The following TEAD2 variants were observed in gnomAD, a reference collection of about 807,000 sequenced individuals.
TEAD2 encodes the protein TEA domain transcription factor 2.
Under a neutral mutation model 61.4 loss-of-function variants are expected in TEAD2, and 51 were observed. The observed-to-expected ratio is 0.83, with a 90% CI of 0.66 to 1.05. TEAD2 has a LOEUF of 1.05. Among genes scored for constraint, TEAD2 ranks in the 50% least tolerant of loss-of-function variants. TEAD2 has a pLI of 0.00. For missense variants in TEAD2, 509 were observed against 600.0 expected (o/e 0.85, Z 1.58); for synonymous variants, 244 against 243.2 (o/e 1.00, Z -0.03).
Position 49,343,373 on chromosome 19 carries a change from C to T in TEAD2, c.947G>A (p.Gly316Asp). The T allele has an allele frequency of 1.9e-6, 3 of 1,611,300 alleles. No individual in the cohort carries two copies. The highest frequency in any genetic ancestry group is 2.5e-6 in the Non-Finnish European group (3 of 1,179,096). ...GCTGCCACCGGCCCCTGCCTCCTCA[C>T]CACTTGGGCCCCAGTTCAGGTCCGC... ...FWADLNWGPSGEEAGAGGSIS... is the reference protein window; with the variant it reads ...FWADLNWGPSDEEAGAGGSIS... Residue 316 changes from glycine (G) to aspartate (D), a missense_variant, in exon 11 of 13, where the codon GGT becomes GAT. Gly to Asp is a moderately conservative substitution (Grantham distance 94, BLOSUM62 -1). Transcript: ENST00000593945.
At chr19:49,350,361 C>T (rs998927507) in intron 8 of TEAD2, among the ~76,000 whole-genome samples, 30 of 151,788 alleles carry the variant, frequency 2.0e-4, no homozygotes, top group African/African-American at 7.3e-4. Context: ...GCTCTGTCGC[C>T]CAGTCTGGAG....
chr19:49,359,994 C>A lies in TEAD2; in HGVS notation c.82G>T (p.Gly28Cys), dbSNP rs779655419. ...GSEEGSEEGTGGSEGAGGDGG... is the reference protein window; with the variant it reads ...GSEEGSEEGTCGSEGAGGDGG... The stretch of plus-strand genomic sequence containing the variant: ...TCACCCCCAGCCCCCTCACTGCCGC[C>A]GGTACCCTCCTCACTGCCTTCCTCA... Residue 28 changes from glycine (G) to cysteine (C), a missense_variant, in exon 2 of 13, where the codon GGC becomes TGC. By Grantham distance (159) the Gly-to-Cys change is radical (BLOSUM62 -3). Transcript: ENST00000593945. The surrounding 1 kb of genome is among the most constrained non-coding windows in gnomAD (Gnocchi z 4.1). 2 of 1,609,646 alleles carry A rather than the reference C, an allele frequency of 1.2e-6. No homozygotes were observed. Among genetic ancestry groups the A allele is most frequent in the Non-Finnish European group, 1.7e-6 (2 of 1,179,888 alleles).
intron 1 of TEAD2, among the ~76,000 whole-genome samples, chr19:49,360,762 CAGAGACCCAGAGAGG>C (rs1972803143): frequency 1.4e-5 from 1 of 70,196 alleles, no homozygotes; most frequent in Non-Finnish European, 2.6e-5. Flanking sequence ...GGGAGGGGGA[CAGAGACCCAGAGAGG>C]GGATGGGGAC....
chr19:49,361,162 G>C (rs1257115279), intron 1 of TEAD2, among the ~76,000 whole-genome samples: 1 of 120,792 alleles, frequency 8.3e-6, no homozygotes. Flanking sequence ...GACCGGGGGG[G>C]GGGGACAGGG....
chr19:49,361,187 T>G (rs1174599986), intron 1 of TEAD2, among the ~76,000 whole-genome samples: 452 of 20,414 alleles, frequency 0.022, no homozygotes, highest in Admixed American at 0.035. Context: ...GAGAGAGGGG[T>G]CCAGAGGCCC....
intron 9 of TEAD2, among the ~76,000 whole-genome samples, chr19:49,347,809 G>A (rs1232947166): frequency 6.6e-6 from 1 of 152,246 alleles, no homozygotes; most frequent in East Asian, 1.9e-4. Flanking sequence ...ATGGTCAATG[G>A]ATGGAAGAGT....
At chr19:49,354,757 G>C (rs915920390) in intron 7 of TEAD2, among the ~76,000 whole-genome samples, 3 of 151,956 alleles carry the variant, frequency 2.0e-5, no homozygotes, top group African/African-American at 7.3e-5. Flanking sequence ...CCTAGCATTT[G>C]GGGAGGCTGA....
rs1379827232 is a variant in TEAD2 at position 49,347,095 on chromosome 19, T to C, written c.921+95A>G. 5 of 1,509,014 alleles carry C rather than the reference T, an allele frequency of 3.3e-6. No individual in the cohort carries two copies. In the Middle Eastern group the frequency reaches 7.0e-4, roughly 211 times the overall value. 93.5% of individuals were successfully genotyped at this position (1,509,014 alleles called of 1,614,324 possible). On this transcript the variant is annotated intron_variant, in intron 10 of 12. Coordinates refer to ENST00000593945, the MANE Select transcript of TEAD2 (RefSeq NM_001256660.2). ...CTGACTGGTAAGTCCCAGGCTGACCTGGTAGGGCCCGCGACAGATTCTCTC... is the reference window on the plus strand; with the variant it reads ...CTGACTGGTAAGTCCCAGGCTGACCCGGTAGGGCCCGCGACAGATTCTCTC...
chr19:49,346,378 C>T (rs1431251691), intron 10 of TEAD2, among the ~76,000 whole-genome samples: 1 of 151,606 alleles, frequency 6.6e-6, no homozygotes. Flanking sequence ...AGGACTTGGA[C>T]GGGTGCGGTG....
chr19:49,358,715 C>T (rs1315249945), intron 3 of TEAD2, among the ~76,000 whole-genome samples: 1 of 151,488 alleles, frequency 6.6e-6, no homozygotes, highest in African/African-American at 2.4e-5. Context: ...TCACTGCAAC[C>T]TCCGCCTCCC....
chr19:49,360,754 GAGGGGGACAGAGACCCAGA>G (rs1972800473), intron 1 of TEAD2, among the ~76,000 whole-genome samples: 2 of 95,046 alleles, frequency 2.1e-5, no homozygotes, highest in Non-Finnish European at 2.4e-5. Flanking sequence ...CCCAGAGAGG[GAGGGGGACAGAGACCCAGA>G]GAGGGGATGG....
In TEAD2 at chr19:49,351,377, A is replaced by G; in HGVS notation, c.540-12T>C. 1.2e-6 allele frequency: 2 copies of G among 1,604,582 alleles called. No individual in the cohort carries two copies. The highest frequency in any genetic ancestry group is 1.1e-5 in the South Asian group (1 of 89,090). On this transcript the variant is annotated splice_polypyrimidine_tract_variant and intron_variant, in intron 7 of 12. Transcript: ENST00000593945. ...AGAATGGCTTCACACTGAGGGAAAA[A>G]GGAAGCCAGGGGTTAGCCAGGTAGA...
chr19:49,355,524 G>C (rs545383741), intron 5 of TEAD2, 105 bp from the exon 6 acceptor site: 1 of 943,746 alleles, frequency 1.1e-6, no homozygotes, highest in East Asian at 2.6e-5. Context: ...CAGAGGTGGG[G>C]AGTCAAGGCA....
intron 10 of TEAD2, 70 bp from the exon 11 acceptor site, chr19:49,343,468 A>G: frequency 2.0e-6 from 3 of 1,507,814 alleles, no homozygotes; most frequent in Non-Finnish European, 2.7e-6. Flanking sequence ...TACCAGGCGC[A>G]GTGGTTCACA....
rs566088644 is a variant in TEAD2, at chr19:49,341,129, G to A, written c.*195C>T. 1.7e-6 allele frequency: 1 copy of A among 579,810 alleles called. No individual in the cohort carries two copies. The highest frequency in any genetic ancestry group is 2.9e-5 in the East Asian group (1 of 34,352). The allele number at this position is 579,810 out of a possible 1,614,324, so 35.9% of individuals were successfully genotyped here. On this transcript the variant is annotated 3_prime_UTR_variant, in exon 13 of 13. Coordinates refer to ENST00000593945, the MANE Select transcript of TEAD2 (RefSeq NM_001256660.2). This position sits in a 1 kb window ranked among gnomAD's most constrained non-coding sequence, Gnocchi z 4.2. ...AATATCGGGGTTTATCCTTTCCTCAGTCCCAGCCTGTTCAGCTCTCCAACC... is the reference window on the plus strand; with the variant it reads ...AATATCGGGGTTTATCCTTTCCTCAATCCCAGCCTGTTCAGCTCTCCAACC...
chr19:49,354,790 G>A (rs948731749), intron 7 of TEAD2, among the ~76,000 whole-genome samples: 2 of 152,074 alleles, frequency 1.3e-5, no homozygotes, highest in Admixed American at 1.3e-4. Flanking sequence ...ACGAGGTCAG[G>A]AGTTCAAGAC....
intron 7 of TEAD2, among the ~76,000 whole-genome samples, chr19:49,354,631 C>T (rs986521721): frequency 1.3e-5 from 2 of 152,144 alleles, no homozygotes; most frequent in African/African-American, 2.4e-5. Flanking sequence ...CCACTTACCT[C>T]TGGGAAACAT....
chr19:49,355,478 G>A (rs1972327037), intron 5 of TEAD2, 59 bp from the exon 6 acceptor site: 1 of 1,452,304 alleles, frequency 6.9e-7, no homozygotes. Context: ...TGGCAAGAGG[G>A]GGATGGTGCC....
rs771490667 is a variant in TEAD2 at position 49,359,993 on chromosome 19, C to T, written c.83G>A (p.Gly28Asp). 3 of 1,609,642 alleles carry T rather than the reference C, an allele frequency of 1.9e-6. No homozygotes were observed. The highest frequency in any genetic ancestry group is 2.5e-6 in the Non-Finnish European group (3 of 1,179,904). ...GTCACCCCCAGCCCCCTCACTGCCG[C>T]CGGTACCCTCCTCACTGCCTTCCTC... ...GSEEGSEEGT[G>D]GSEGAGGDGG... Residue 28 changes from glycine to aspartate, a missense_variant, in exon 2 of 13, where the codon GGC becomes GAC. Physicochemically the swap from Gly to Asp is moderately conservative, Grantham distance 94. Transcript: ENST00000593945. This position sits in a 1 kb window ranked among gnomAD's most constrained non-coding sequence, Gnocchi z 4.1.
Sources: gnomAD v4.1 joint callset for allele counts (sites outside exome capture counted in the v4.1 genomes callset) on GRCh38, gnomAD v4.1.1 for gene constraint, Gnocchi (gnomAD v3.1) non-coding constraint, MANE v1.5 for transcripts, NCBI Gene and HGNC (gene_info 2026-07-23, HGNC 2026-07-21) for gene names.